The following MARCHF1 variants were observed in gnomAD, a reference collection of about 807,000 sequenced individuals.
MARCHF1 encodes the protein membrane associated ring-CH-type finger 1, also known as E3 ubiquitin-protein ligase MARCHF1.
In MARCHF1, 40 loss-of-function variants were observed where a neutral mutation model predicts 54.2. That is an observed-to-expected ratio of 0.74 (90% confidence interval 0.57 to 0.96). The LOEUF (loss-of-function observed/expected upper bound fraction) is 0.96, where lower values mean the gene tolerates loss of function less well. MARCHF1 is among the 40% of genes least tolerant of loss of function. The probability of loss-of-function intolerance (pLI) is 0.00; values close to 1 mark genes in which losing one functional copy is unlikely to be tolerated. For missense variants in MARCHF1, 586 were observed against 656.5 expected, an observed-to-expected ratio of 0.89 and a Z score of 1.17; for synonymous variants, 236 against 236.3, an observed-to-expected ratio of 1.00 and a Z score of 0.01.
chr4:163,787,303 G>T (rs1747649674), intron 4 of MARCHF1, among the ~76,000 whole-genome samples: 1 of 151,418 alleles, frequency 6.6e-6, no homozygotes, highest in Non-Finnish European at 1.5e-5. Flanking sequence ...TGTAAAAAAG[G>T]GACAAAATAT....
intron 1 of MARCHF1, among the ~76,000 whole-genome samples, chr4:164,325,491 T>C (rs1258174241): frequency 6.6e-6 from 1 of 152,018 alleles, no homozygotes; most frequent in Non-Finnish European, 1.5e-5. Flanking sequence ...TTACGTCATA[T>C]ACAAACATTA....
At chr4:164,214,842 A>G (rs1460965750) in intron 1 of MARCHF1, among the ~76,000 whole-genome samples, 1 of 152,068 alleles carries the variant, frequency 6.6e-6, no homozygotes, top group Admixed American at 6.5e-5. Flanking sequence ...CCCCATTTCC[A>G]TCTGACACTT....
In MARCHF1 at chr4:163,642,756, A is replaced by G. The variant is rs62334324; in HGVS notation, c.163-29363T>C. Among the ~76,000 whole-genome samples, 674 of 152,270 alleles carry G rather than the reference A, an allele frequency of 4.4e-3. 2 individuals carry two copies. Among genetic ancestry groups the G allele is most frequent in the Middle Eastern group, 0.027 (8 of 294 alleles). ...AGAGCTATAGGTTTCTGAGTCTGTC[A>G]AAATAATCTTCCTAAAAACACCTGT... On this transcript the variant is annotated intron_variant, in intron 5 of 9. Coordinates refer to ENST00000514618, the MANE Select transcript of MARCHF1 (RefSeq NM_001394959.1).
intron 1 of MARCHF1, among the ~76,000 whole-genome samples, chr4:164,129,705 A>T (rs1756261939): frequency 6.6e-6 from 1 of 152,068 alleles, no homozygotes; most frequent in South Asian, 2.1e-4. Context: ...CAAGTGTGGA[A>T]TTTTTTTAGT....
At chr4:163,931,557 A>C (rs1336862721) in intron 3 of MARCHF1, among the ~76,000 whole-genome samples, 1 of 152,186 alleles carries the variant, frequency 6.6e-6, no homozygotes, top group Non-Finnish European at 1.5e-5. Context: ...CAAACACTGA[A>C]TATACTAGTC....
At chr4:164,366,641 TATC>T (rs1341216919) in intron 1 of MARCHF1, among the ~76,000 whole-genome samples, 1 of 151,920 alleles carries the variant, frequency 6.6e-6, no homozygotes, top group Non-Finnish European at 1.5e-5. Flanking sequence ...AGCATAATTT[TATC>T]ATTTTGACAA....
At chr4:163,832,608 CTTTAAG>C (rs1432067072) in intron 4 of MARCHF1, among the ~76,000 whole-genome samples, 2 of 80,664 alleles carry the variant, frequency 2.5e-5, no homozygotes, top group African/African-American at 6.8e-5. Flanking sequence ...TATTATAATA[CTTTAAG>C]TTTTAGGGTA....
chr4:163,966,456 A>C (rs1191531238), intron 3 of MARCHF1, among the ~76,000 whole-genome samples: 3 of 152,146 alleles, frequency 2.0e-5, no homozygotes, highest in Non-Finnish European at 4.4e-5. Flanking sequence ...TATAATGAAC[A>C]TCTATGTAAC....
chr4:164,369,730 T>C (rs957264951), intron 1 of MARCHF1, among the ~76,000 whole-genome samples: 6 of 152,144 alleles, frequency 3.9e-5, no homozygotes, highest in African/African-American at 1.4e-4. Flanking sequence ...ATAAGATTGA[T>C]TTGAAGATTA....
rs1006757556 is a variant in MARCHF1 at position 164,383,937 on chromosome 4, T to G, written c.-390A>C. 1.3e-5 allele frequency: 2 copies of G among 152,270 alleles called. No homozygotes were observed. Among genetic ancestry groups the G allele is most frequent in the Non-Finnish European group, 2.9e-5 (2 of 68,170 alleles). The allele number at this position is 152,270 out of a possible 1,614,324, so 9.4% of individuals were successfully genotyped here. On this transcript the variant is annotated 5_prime_UTR_variant, in exon 1 of 10. The change abolishes an upstream ATG in the 5' untranslated region. Coordinates refer to ENST00000514618, the MANE Select transcript of MARCHF1 (RefSeq NM_001394959.1). Reference sequence around the variant, plus strand: ...CGGCCGGCATCCCGGGGCGCGGGCATTCTCCCATCCTTTGTCAGTTGCGGG... The same window carrying G: ...CGGCCGGCATCCCGGGGCGCGGGCAGTCTCCCATCCTTTGTCAGTTGCGGG...
At chr4:164,335,177 T>A (rs965152123) in intron 1 of MARCHF1, among the ~76,000 whole-genome samples, 6 of 152,212 alleles carry the variant, frequency 3.9e-5, no homozygotes, top group Non-Finnish European at 7.3e-5. Flanking sequence ...GAGGGTTGAC[T>A]TCAATTTTGA....
chr4:163,548,385 G>GACT (rs1268684149), intron 8 of MARCHF1, among the ~76,000 whole-genome samples: 8 of 93,054 alleles, frequency 8.6e-5, no homozygotes, highest in African/African-American at 2.3e-4. Context: ...TTAAAATTGG[G>GACT]ACTTCTATCT....
intron 4 of MARCHF1, among the ~76,000 whole-genome samples, chr4:163,836,684 G>A (rs1749196529): frequency 6.7e-6 from 1 of 148,714 alleles, no homozygotes; most frequent in East Asian, 2.0e-4. Context: ...GGGTCCATCT[G>A]GCCAAAGCTG....
chr4:163,742,070 T>A (rs1746211109), intron 4 of MARCHF1, among the ~76,000 whole-genome samples: 1 of 152,198 alleles, frequency 6.6e-6, no homozygotes, highest in South Asian at 2.1e-4. Context: ...TTTTAAATGA[T>A]CTTTTAAAAT....
chr4:163,546,160 A>C (rs1020592438), intron 8 of MARCHF1, among the ~76,000 whole-genome samples: 4 of 151,946 alleles, frequency 2.6e-5, no homozygotes, highest in South Asian at 4.2e-4. Flanking sequence ...GTATTTGTAG[A>C]TATGGGGGTC....
chr4:163,949,854 T>C (rs1752099094), intron 3 of MARCHF1, among the ~76,000 whole-genome samples: 1 of 149,292 alleles, frequency 6.7e-6, no homozygotes, highest in Non-Finnish European at 1.5e-5. Context: ...GAGACCCATA[T>C]TGGGTAGCTC....
chr4:163,612,679 G>C lies in MARCHF1; in HGVS notation c.602C>G (p.Ser201Cys), dbSNP rs1741383629. The change falls in exon 7 of 10, where the codon TCT (serine) becomes TGT (cysteine). Residue 201 changes from serine to cysteine, a missense_variant. Ser to Cys is a moderately radical substitution (Grantham distance 112). Around this residue, in one of 3 missense-constraint regions of MARCHF1, gnomAD observed 387 missense variants for 394.6 expected, o/e 0.98. Transcript: ENST00000514618. ...NNKPCENLAG[S>C]STPNGIELVD... is the part of the protein sequence containing the mutation. Reference sequence around the variant, plus strand: ...GAGCTCAATTCCGTTAGGAGTGGAAGACCCAGCTAAGTTTTCACACGGCTT... The same window carrying C: ...GAGCTCAATTCCGTTAGGAGTGGAACACCCAGCTAAGTTTTCACACGGCTT... 2 of 1,535,428 alleles carry C rather than the reference G, an allele frequency of 1.3e-6. No homozygotes were observed. The highest frequency in any genetic ancestry group is 1.4e-5 in the African/African-American group (1 of 72,992).
intron 5 of MARCHF1, among the ~76,000 whole-genome samples, chr4:163,627,561 G>GC (rs1302653375): frequency 6.6e-6 from 1 of 152,124 alleles, no homozygotes; most frequent in Non-Finnish European, 1.5e-5. Flanking sequence ...TTTAGAAAAT[G>GC]TTGGGCCTTC....
intron 2 of MARCHF1, among the ~76,000 whole-genome samples, chr4:164,013,038 A>G (rs2110947133): frequency 6.6e-6 from 1 of 152,288 alleles, no homozygotes; most frequent in East Asian, 1.9e-4. Context: ...ACCTCACCAA[A>G]CACACAAAAG....
Sources: allele counts gnomAD v4.1 joint callset (sites outside exome capture counted in the v4.1 genomes callset), GRCh38; gene constraint gnomAD v4.1.1; regional missense constraint gnomAD v4.1.1; transcripts MANE v1.5; gene names NCBI Gene and HGNC (gene_info 2026-07-23, HGNC 2026-07-21).